The following STK3 variants were observed in gnomAD, a reference collection of about 807,000 sequenced individuals.
The protein encoded by STK3 is serine/threonine kinase 3.
Under a neutral mutation model 58.0 loss-of-function variants are expected in STK3, and 41 were observed. That is an observed-to-expected ratio of 0.71 (90% CI 0.55 to 0.92). STK3 has a LOEUF of 0.92. Ranked by LOEUF, STK3 falls within the 40% of genes least tolerant of loss-of-function variation. The pLI is 0.00. For missense variants in STK3, 479 were observed against 602.7 expected, an observed-to-expected ratio of 0.79 and a Z score of 2.15; for synonymous variants, 170 against 191.0, an observed-to-expected ratio of 0.89 and a Z score of 0.91.
chr8:98,358,949 G>C, the STK3 span, among the ~76,000 whole-genome samples: 1 of 152,130 alleles, frequency 6.6e-6, no homozygotes. Context: ...ACACGCACAT[G>C]CTCATGGAAT....
chr8:98,367,711 C>A (rs988697158), downstream of STK3, among the ~76,000 whole-genome samples: 1 of 152,184 alleles, frequency 6.6e-6, no homozygotes, highest in African/African-American at 2.4e-5. Flanking sequence ...CAACTGTAGA[C>A]CTCCCTCAGA....
intron 6 of STK3, among the ~76,000 whole-genome samples, chr8:98,634,821 A>G (rs1380213012): frequency 3.3e-5 from 5 of 152,048 alleles, no homozygotes; most frequent in African/African-American, 1.2e-4. Context: ...GCCACATATA[A>G]AAGCAGTTCA....
rs2131964721 is a variant in STK3 at position 98,905,218 on chromosome 8, G to A, written c.-78-21384C>T. On this transcript the variant is annotated intron_variant, in intron 1 of 1. Coordinates refer to the STK3 transcript ENST00000519420. ...CCCATTCCAGGGGCAGTCCGAAGTC[G>A]GGCTTGTGGACAACTACACATGCAT... 1.3e-5 allele frequency: 12 copies of A among 917,584 alleles called. No homozygotes were observed. In the South Asian group the frequency reaches 1.4e-4, roughly 11 times the overall value. The allele number at this position is 917,584 out of a possible 1,614,324, so 56.8% of individuals were successfully genotyped here.
chr8:98,727,990 C>T (rs1358188411), intron 4 of STK3, among the ~76,000 whole-genome samples: 2 of 152,148 alleles, frequency 1.3e-5, no homozygotes, highest in African/African-American at 4.8e-5. Context: ...AAAAGTAATA[C>T]TTAAGCTTAC....
Position 98,455,802 on chromosome 8 carries a change from T to C in STK3, c.*40A>G, listed in dbSNP as rs1448829491. ...TATTCCTTCAATTCCTAGTGGTTTC[T>C]TGGTCTCCAGAATAGTTAAAAACAG... On this transcript the variant is annotated 3_prime_UTR_variant, in exon 11 of 11. Coordinates refer to ENST00000419617, the MANE Select transcript of STK3 (RefSeq NM_006281.4). 1.1e-5 allele frequency: 18 copies of C among 1,607,056 alleles called. No individual in the cohort carries two copies. Among genetic ancestry groups the C allele is most frequent in the Non-Finnish European group, 1.4e-5 (17 of 1,177,038 alleles).
intron 7 of STK3, among the ~76,000 whole-genome samples, chr8:98,590,513 G>A (rs758894750): frequency 3.4e-4 from 52 of 152,244 alleles, no homozygotes; most frequent in South Asian, 1.0e-3. Flanking sequence ...TGGGCTGGTC[G>A]GTCTGAGGAC....
chr8:98,623,912 C>T (rs918478307), intron 6 of STK3, among the ~76,000 whole-genome samples: 1 of 152,206 alleles, frequency 6.6e-6, no homozygotes, highest in Non-Finnish European at 1.5e-5. Context: ...GACTCCAGAA[C>T]TGTAAGAAAA....
At chr8:98,881,658 C>A (rs1263768748), downstream of STK3, 1 of 152,122 alleles carries the variant, frequency 6.6e-6, no homozygotes, top group Non-Finnish European at 1.5e-5. Flanking sequence ...GTACTTTTCA[C>A]TCATTTGTTC....
the STK3 span, among the ~76,000 whole-genome samples, chr8:98,358,992 A>G: frequency 6.6e-6 from 1 of 152,108 alleles, no homozygotes; most frequent in African/African-American, 2.4e-5. Context: ...CATCTCCCAG[A>G]AGCAAATCAA....
intron 1 of STK3, among the ~76,000 whole-genome samples, chr8:98,821,809 C>T (rs991562925): frequency 6.6e-6 from 1 of 152,100 alleles, no homozygotes; most frequent in Admixed American, 6.6e-5. Flanking sequence ...ATGTTTAACA[C>T]AAACCTTGTT....
intron 6 of STK3, among the ~76,000 whole-genome samples, chr8:98,657,078 A>G (rs889239561): frequency 1.3e-5 from 2 of 152,164 alleles, no homozygotes; most frequent in Non-Finnish European, 2.9e-5. Context: ...AAATGAATCA[A>G]TTAATTAAAT....
intron 10 of STK3, among the ~76,000 whole-genome samples, chr8:98,482,052 T>C (rs920423114): frequency 6.6e-6 from 1 of 152,198 alleles, no homozygotes; most frequent in African/African-American, 2.4e-5. Flanking sequence ...GGAATTCAAA[T>C]TTCCAGCATG....
chr8:98,915,328 G>A (rs1839301910), intron 1 of STK3, among the ~76,000 whole-genome samples: 1 of 151,192 alleles, frequency 6.6e-6, no homozygotes, highest in South Asian at 2.1e-4. Flanking sequence ...CGGACTCCAA[G>A]TTCTTCAGTT....
At chr8:98,581,454 T>C (rs1813875442) in intron 7 of STK3, among the ~76,000 whole-genome samples, 1 of 152,118 alleles carries the variant, frequency 6.6e-6, no homozygotes, top group Non-Finnish European at 1.5e-5. Context: ...TGGAGATGAA[T>C]GCCTTAGCAT....
At chr8:98,883,732 T>C (rs977590780), downstream of STK3, 4 of 702,868 alleles carry the variant, frequency 5.7e-6, no homozygotes, top group Non-Finnish European at 1.0e-5. Flanking sequence ...CAGATGGTAA[T>C]GCCACTGTCC....
At chr8:98,759,774 G>C (rs1206331905) in intron 3 of STK3, among the ~76,000 whole-genome samples, 1 of 152,126 alleles carries the variant, frequency 6.6e-6, no homozygotes, top group African/African-American at 2.4e-5. Context: ...CCAGTATATG[G>C]ACTTGCAGGT....
intron 6 of STK3, among the ~76,000 whole-genome samples, chr8:98,596,830 C>T (rs902617435): frequency 6.6e-6 from 1 of 151,722 alleles, no homozygotes; most frequent in Non-Finnish European, 1.5e-5. Flanking sequence ...TAGATAGTCA[C>T]CCTGGCCTGT....
chr8:98,455,188 C>T lies in STK3; in HGVS notation c.*654G>A, dbSNP rs1302961268. The T allele has an allele frequency of 6.6e-6, 1 of 152,122 alleles. No individual in the cohort carries two copies. Among genetic ancestry groups the T allele is most frequent in the Non-Finnish European group, 1.5e-5 (1 of 67,930 alleles). The allele number at this position is 152,122 out of a possible 1,614,324, so 9.4% of individuals were successfully genotyped here. A position where few individuals can be genotyped will look rare whatever the true frequency, so the allele number is the denominator to read the frequency against. ...TACCAAACATCAAAAATCAAAAAAA[C>T]AAAATTTCAAAGGGTAAAAATGGAA... On this transcript the variant is annotated 3_prime_UTR_variant, in exon 11 of 11. Coordinates refer to ENST00000419617, the MANE Select transcript of STK3 (RefSeq NM_006281.4).
intron 3 of STK3, among the ~76,000 whole-genome samples, chr8:98,831,571 G>C (rs2131783563): frequency 6.6e-6 from 1 of 152,194 alleles, no homozygotes. Context: ...TTTTATATTT[G>C]TTGGAAAAAT....
Sources: gnomAD v4.1 joint callset for allele counts (sites outside exome capture counted in the v4.1 genomes callset) on GRCh38, gnomAD v4.1.1 for gene constraint, MANE v1.5 for transcripts, NCBI Gene and HGNC (gene_info 2026-07-23, HGNC 2026-07-21) for gene names.